GNA11: variants seen among roughly 807,000 people sequenced by gnomAD.
GNA11 encodes the protein guanine nucleotide-binding protein subunit alpha-11.
GNA11 carries 8 observed loss-of-function variants against 38.2 expected under a neutral mutation model. The observed-to-expected ratio is 0.21, with a 90% CI of 0.12 to 0.38. GNA11 has a LOEUF of 0.38. Among genes scored for constraint, GNA11 ranks in the 10% least tolerant of loss-of-function variants. The probability of loss-of-function intolerance (pLI) is 1.00; values close to 1 mark genes in which losing one functional copy is unlikely to be tolerated. For synonymous variants in GNA11, 211 were observed against 221.4 expected (o/e 0.95, Z 0.42); for missense variants, 268 against 516.3 (o/e 0.52, Z 4.66).
chr19:3,121,958 G>A lies in GNA11; in HGVS notation c.*779G>A, dbSNP rs376402508. 22 of 233,212 alleles carry A rather than the reference G, an allele frequency of 9.4e-5. No individual in the cohort carries two copies. The highest frequency in any genetic ancestry group is 3.3e-4 in the African/African-American group (15 of 45,462). 14.4% of individuals were successfully genotyped at this position (233,212 alleles called of 1,614,324 possible). Reference sequence around the variant, plus strand: ...TCTGCAGAGGCTGGGAAGGGTCCCCGGGCTGGAGCCACGGGGGCTTCTCTG... The same window carrying A: ...TCTGCAGAGGCTGGGAAGGGTCCCCAGGCTGGAGCCACGGGGGCTTCTCTG... On this transcript the variant is annotated 3_prime_UTR_variant, in exon 7 of 7. Coordinates refer to ENST00000078429, the MANE Select transcript of GNA11 (RefSeq NM_002067.5).
chr19:3,098,268 T>C (rs957515772), intron 1 of GNA11, among the ~76,000 whole-genome samples: 26 of 152,208 alleles, frequency 1.7e-4, no homozygotes, highest in Admixed American at 1.3e-4. Context: ...GCGCACTTAG[T>C]GCACACGCTG....
intron 3 of GNA11, 24 bp from the exon 4 acceptor site, chr19:3,114,920 T>C (rs2145320582): frequency 6.3e-7 from 1 of 1,581,114 alleles, no homozygotes; most frequent in Non-Finnish European, 8.6e-7. Context: ...GCAGCCGGCC[T>C]GAGCACCCAC....
intron 2 of GNA11, among the ~76,000 whole-genome samples, chr19:3,112,245 A>T (rs1354513629): frequency 1.3e-5 from 2 of 152,052 alleles, no homozygotes; most frequent in Non-Finnish European, 2.9e-5. Flanking sequence ...AAGTCCCCCT[A>T]GGTGTGCTTA....
At position 3,100,737 on chromosome 19, in the gene GNA11, C is replaced by T. The variant is rs188028193; in HGVS notation, c.136+5950C>T. The stretch of plus-strand genomic sequence containing the variant: ...TGGCCAGCACGGGGCAGTGGGGGCA[C>T]ACTCTGGAGGGAGCCAGGGGCGAGT... On this transcript the variant is annotated intron_variant, in intron 1 of 6. Transcript: ENST00000078429. Among the ~76,000 whole-genome samples, 35 of 152,308 alleles carry T rather than the reference C, an allele frequency of 2.3e-4. 1 individual carries two copies. Among genetic ancestry groups the T allele is most frequent in the Admixed American group, 6.5e-4 (10 of 15,304 alleles).
chr19:3,109,289 C>T (rs2145314518), intron 1 of GNA11, among the ~76,000 whole-genome samples: 1 of 152,300 alleles, frequency 6.6e-6, no homozygotes, highest in East Asian at 1.9e-4. Context: ...CCCCATGTCA[C>T]CCAGAATGTG....
At position 3,110,190 on chromosome 19, in the gene GNA11, C is replaced by T. The variant is rs587777021; in HGVS notation, c.178C>T (p.Arg60Cys). 1 of 1,613,152 alleles carries T rather than the reference C, an allele frequency of 6.2e-7. No homozygotes were observed. The highest frequency in any genetic ancestry group is 8.5e-7 in the Non-Finnish European group (1 of 1,179,654). The change falls in exon 2 of 7, where the codon CGC becomes TGC. Residue 60 changes from arginine (R) to cysteine (C), a missense_variant. Transcript: ENST00000078429. The surrounding 1 kb of genome is among the most constrained non-coding windows in gnomAD (Gnocchi z 5.4). ...SGKSTFIKQMRIIHGAGYSEE... is the reference protein window; with the variant it reads ...SGKSTFIKQMCIIHGAGYSEE... ...GAAGAGCACGTTCATCAAGCAGATG[C>T]GCATCATCCACGGCGCCGGCTACTC...
At chr19:3,097,789 C>A (rs1195962470) in intron 1 of GNA11, among the ~76,000 whole-genome samples, 3 of 152,088 alleles carry the variant, frequency 2.0e-5, no homozygotes, top group Non-Finnish European at 4.4e-5. Context: ...TACAACAGGT[C>A]TCCCCGGGGC....
At chr19:3,116,544 C>T (rs532902872) in intron 4 of GNA11, among the ~76,000 whole-genome samples, 40 of 152,362 alleles carry the variant, frequency 2.6e-4, no homozygotes, top group African/African-American at 9.1e-4. Flanking sequence ...TCCCCGCCTG[C>T]GCCTTTGCCT....
chr19:3,114,487 G>C (rs1232444135), intron 3 of GNA11, among the ~76,000 whole-genome samples: 1 of 152,158 alleles, frequency 6.6e-6, no homozygotes, highest in Non-Finnish European at 1.5e-5. Flanking sequence ...AGGGAGACGG[G>C]CACGGGGATC....
At chr19:3,111,041 G>T (rs745742632) in intron 2 of GNA11, among the ~76,000 whole-genome samples, 1 of 151,886 alleles carries the variant, frequency 6.6e-6, no homozygotes, top group Non-Finnish European at 1.5e-5. Flanking sequence ...CAGTCCTCCC[G>T]CTTTGGCCTC....
intron 4 of GNA11, among the ~76,000 whole-genome samples, chr19:3,115,785 AGGGGGGG>A (rs35481055): frequency 1.9e-4 from 1 of 5,194 alleles, no homozygotes. Flanking sequence ...CTGTGAGGGG[AGGGGGGG>A]GGTCACGGGG....
rs1194100657 is a variant in GNA11, at chr19:3,123,458, GGACA to G, written c.*2281_*2284del. 8.6e-6 allele frequency: 2 copies of G among 233,270 alleles called. No homozygotes were observed. Among genetic ancestry groups the G allele is most frequent in the African/African-American group, 4.4e-5 (2 of 45,382 alleles). 14.5% of individuals were successfully genotyped at this position (233,270 alleles called of 1,614,324 possible). On this transcript the variant is annotated 3_prime_UTR_variant, in exon 7 of 7. Transcript: ENST00000078429. ...TCGTGCCAGTGGCACCCAGGGGCAAGGACAGCCAACCCCCACCCTTGCCACGTGT... is the reference window on the plus strand; with the variant it reads ...TCGTGCCAGTGGCACCCAGGGGCAAGGCCAACCCCCACCCTTGCCACGTGT...
intron 1 of GNA11, among the ~76,000 whole-genome samples, chr19:3,109,098 C>T (rs1172152747): frequency 6.6e-6 from 1 of 152,186 alleles, no homozygotes. Flanking sequence ...AGCCCATGCT[C>T]AAGGGGAGGG....
In GNA11 at chr19:3,094,608, G is replaced by A. The variant is rs905133680; in HGVS notation, c.-44G>A. 1 of 1,025,364 alleles carries A rather than the reference G, an allele frequency of 9.8e-7. No individual in the cohort carries two copies. The highest frequency in any genetic ancestry group is 5.7e-5 in the Admixed American group (1 of 17,590). The allele number at this position is 1,025,364 out of a possible 1,614,324, so 63.5% of individuals were successfully genotyped here. A position where few individuals can be genotyped will look rare whatever the true frequency, so the allele number is the denominator to read the frequency against. On this transcript the variant is annotated 5_prime_UTR_variant, in exon 1 of 7. Transcript: ENST00000078429. This position sits in a 1 kb window ranked among gnomAD's most constrained non-coding sequence, Gnocchi z 6.0. ...CGGCCAGGGCCGGGCCGGGGGCCGG[G>A]GGGCGGCGGCGGGCAGGCGGCCGCG...
At position 3,094,594 on chromosome 19, in the gene GNA11, G is replaced by C; in HGVS notation, c.-58G>C. The C allele has an allele frequency of 1.1e-6, 1 of 910,348 alleles. No homozygotes were observed. The highest frequency in any genetic ancestry group is 1.3e-6 in the Non-Finnish European group (1 of 753,310). The allele number at this position is 910,348 out of a possible 1,614,324, so 56.4% of individuals were successfully genotyped here. On this transcript the variant is annotated 5_prime_UTR_variant, in exon 1 of 7. Coordinates refer to ENST00000078429, the MANE Select transcript of GNA11 (RefSeq NM_002067.5). The surrounding 1 kb of genome is among the most constrained non-coding windows in gnomAD (Gnocchi z 6.0). The stretch of plus-strand genomic sequence containing the variant: ...GGCCGAGGCGGCTCCGGCCAGGGCC[G>C]GGCCGGGGGCCGGGGGGCGGCGGCG...
At chr19:3,096,384 G>A (rs1022087708) in intron 1 of GNA11, among the ~76,000 whole-genome samples, 1 of 152,220 alleles carries the variant, frequency 6.6e-6, no homozygotes, top group Non-Finnish European at 1.5e-5. Flanking sequence ...GCTGGCTTTT[G>A]TAGTGGGTCG....
chr19:3,104,301 G>T (rs1020741168), intron 1 of GNA11, among the ~76,000 whole-genome samples: 6 of 152,256 alleles, frequency 3.9e-5, no homozygotes, highest in African/African-American at 1.4e-4. Flanking sequence ...AGTCGGGAGG[G>T]TGGTTTTCTC....
rs182590550 is a variant in GNA11 at position 3,095,487 on chromosome 19, C to T, written c.136+700C>T. Among the ~76,000 whole-genome samples the T allele has an allele frequency of 2.4e-3, 359 of 150,736 alleles. 2 individuals are homozygous for T. The highest frequency in any genetic ancestry group is 5.5e-3 in the Admixed American group (83 of 15,226). ...CCTCCAGGCAGAGCCCTGTACACTC[C>T]ATGCAGGCCCTGTACCCTCCATGCA... On this transcript the variant is annotated intron_variant, in intron 1 of 6. Coordinates refer to ENST00000078429, the MANE Select transcript of GNA11 (RefSeq NM_002067.5).
At chr19:3,116,348 G>A (rs761737634) in intron 4 of GNA11, among the ~76,000 whole-genome samples, 42 of 152,210 alleles carry the variant, frequency 2.8e-4, no homozygotes, top group Non-Finnish European at 5.1e-4. Flanking sequence ...TTCCCGCCCA[G>A]TGCTGGAGGC....
Sources: gnomAD v4.1 joint callset for allele counts (sites outside exome capture counted in the v4.1 genomes callset) on GRCh38, gnomAD v4.1.1 for gene constraint, Gnocchi (gnomAD v3.1) non-coding constraint, MANE v1.5 for transcripts, NCBI Gene and HGNC (gene_info 2026-07-23, HGNC 2026-07-21) for gene names.